The following PTGES3 variants were observed in gnomAD, a reference collection of about 807,000 sequenced individuals.
PTGES3 encodes prostaglandin E synthase 3, also known as Hsp90 co-chaperone.
PTGES3 carries 5 observed loss-of-function variants against 29.9 expected under a neutral mutation model. The observed-to-expected ratio is 0.17, with a 90% CI of 0.09 to 0.35. The LOEUF (loss-of-function observed/expected upper bound fraction) is 0.35. PTGES3 is among the 10% of genes least tolerant of loss of function. PTGES3 has a pLI of 1.00. For synonymous variants in PTGES3, 49 were observed against 57.8 expected, an observed-to-expected ratio of 0.85 and a Z score of 0.69; for missense variants, 128 against 190.0, an observed-to-expected ratio of 0.67 and a Z score of 1.92.
chr12:56,686,882 T>C (rs76274151), intron 1 of PTGES3: 26 of 64,224 alleles, frequency 4.0e-4, no homozygotes, highest in African/African-American at 9.8e-4. Flanking sequence ...TCCAAAGACA[T>C]AAAGTCACTC....
At chr12:56,673,708 G>A (rs1258243652) in intron 1 of PTGES3, among the ~76,000 whole-genome samples, 5 of 148,682 alleles carry the variant, frequency 3.4e-5, no homozygotes, top group East Asian at 4.0e-4. Context: ...CAGGAGCATC[G>A]CTTGAACCTG....
chr12:56,684,739 G>A (rs1440529044), intron 1 of PTGES3, among the ~76,000 whole-genome samples: 1 of 152,130 alleles, frequency 6.6e-6, no homozygotes, highest in Non-Finnish European at 1.5e-5. Context: ...TTAGTTAAGC[G>A]GAAAATCTTA....
chr12:56,675,521 CAA>C (rs58270146), intron 1 of PTGES3, among the ~76,000 whole-genome samples: 9,711 of 92,020 alleles, frequency 0.11, 774 homozygotes, highest in African/African-American at 0.25. Context: ...AGAATGAGAC[CAA>C]AAAAAAAAAA....
chr12:56,667,160 TC>T (rs1951822274), intron 5 of PTGES3, among the ~76,000 whole-genome samples: 1 of 152,012 alleles, frequency 6.6e-6, no homozygotes, highest in Non-Finnish European at 1.5e-5. Context: ...CCTCAAGTGA[TC>T]CCCTTGCCTC....
intron 1 of PTGES3, among the ~76,000 whole-genome samples, chr12:56,676,948 A>G (rs1952281630): frequency 6.9e-6 from 1 of 145,670 alleles, no homozygotes; most frequent in Non-Finnish European, 1.5e-5. Context: ...AAAAAAAAAT[A>G]GTGCTGGCTA....
chr12:56,688,195 C>G lies in PTGES3; in HGVS notation c.-196G>C, dbSNP rs1408026361. On this transcript the variant is annotated 5_prime_UTR_variant, in exon 1 of 8. Coordinates refer to ENST00000262033, the MANE Select transcript of PTGES3 (RefSeq NM_006601.7). Reference sequence around the variant, plus strand: ...AGAATGCACCGCGCGGAAAGAGCGGCTCCTCCGGTCGGGGAGAAGAGGAAA... The same window carrying G: ...AGAATGCACCGCGCGGAAAGAGCGGGTCCTCCGGTCGGGGAGAAGAGGAAA... 1 of 987,918 alleles carries G rather than the reference C, an allele frequency of 1.0e-6. No homozygotes were observed. The highest frequency in any genetic ancestry group is 1.7e-5 in the African/African-American group (1 of 58,050). The allele number at this position is 987,918 out of a possible 1,614,324, so 61.2% of individuals were successfully genotyped here.
At chr12:56,683,539 T>A (rs1271641176) in intron 1 of PTGES3, among the ~76,000 whole-genome samples, 3 of 133,754 alleles carry the variant, frequency 2.2e-5, no homozygotes, top group African/African-American at 8.3e-5. Flanking sequence ...GAATCCCAGC[T>A]ACTCAGGAAG....
intron 5 of PTGES3, among the ~76,000 whole-genome samples, chr12:56,669,503 G>C (rs937356396): frequency 2.6e-5 from 4 of 152,144 alleles, no homozygotes; most frequent in Admixed American, 6.5e-5. Flanking sequence ...GGCTGGTCTT[G>C]AACTCCTGAC....
chr12:56,682,972 C>G, intron 1 of PTGES3, among the ~76,000 whole-genome samples: 1 of 150,604 alleles, frequency 6.6e-6, no homozygotes, highest in Non-Finnish European at 1.5e-5. Flanking sequence ...GCAGTCTGGG[C>G]AACAGAATGA....
chr12:56,671,726 C>T, intron 4 of PTGES3, 23 bp downstream of exon 4: 2 of 1,438,248 alleles, frequency 1.4e-6, no homozygotes, highest in South Asian at 2.7e-5. Context: ...TCAAACTTTT[C>T]AAAAAAGGAA....
intron 3 of PTGES3, among the ~76,000 whole-genome samples, chr12:56,672,475 A>C (rs1952043381): frequency 6.6e-6 from 1 of 152,220 alleles, no homozygotes; most frequent in South Asian, 2.1e-4. Flanking sequence ...GCAGTCTCAA[A>C]GAACAAAACC....
Position 56,666,228 on chromosome 12 carries a change from T to G in PTGES3, c.414A>C (p.Leu138Phe). 1 of 1,611,380 alleles carries G rather than the reference T, an allele frequency of 6.2e-7. No homozygotes were observed. The highest frequency in any genetic ancestry group is 8.5e-7 in the Non-Finnish European group (1 of 1,178,624). The change falls in exon 6 of 8, where the codon TTA (leucine) becomes TTC (phenylalanine). Residue 138 changes from leucine (L) to phenylalanine (F), a missense_variant. Physicochemically the swap from Leu to Phe is conservative, Grantham distance 22. Coordinates refer to ENST00000262033, the MANE Select transcript of PTGES3 (RefSeq NM_006601.7). ...NNMGGDEDVDLPEVDGADDDS... is the reference protein window; with the variant it reads ...NNMGGDEDVDFPEVDGADDDS... ...CATCATCTGCTCCATCTACTTCTGG[T>G]AAATCTACATCCTCATCACCACCCA... is the stretch of plus-strand genomic sequence containing the variant.
chr12:56,679,262 A>C (rs1400001513), intron 1 of PTGES3, among the ~76,000 whole-genome samples: 1 of 152,164 alleles, frequency 6.6e-6, no homozygotes, highest in East Asian at 1.9e-4. Context: ...TACAAAAATT[A>C]GTTGGGCATG....
intron 5 of PTGES3, among the ~76,000 whole-genome samples, chr12:56,669,633 G>C (rs1336024950): frequency 6.6e-6 from 1 of 151,720 alleles, no homozygotes; most frequent in African/African-American, 2.4e-5. Flanking sequence ...TTATTTATTT[G>C]ACCGAGTCCC....
chr12:56,686,397 G>A (rs536896646), intron 1 of PTGES3, among the ~76,000 whole-genome samples: 2 of 151,656 alleles, frequency 1.3e-5, no homozygotes, highest in South Asian at 2.1e-4. Flanking sequence ...TTTTGAGACG[G>A]GTTTTCACTC....
intron 1 of PTGES3, 33 bp from the exon 2 acceptor site, chr12:56,673,098 G>A: frequency 7.0e-7 from 1 of 1,437,360 alleles, no homozygotes. Context: ...AAGTCAAGCT[G>A]GAATTCATTA....
intron 6 of PTGES3, chr12:56,665,813 T>A: frequency 1.4e-6 from 1 of 725,568 alleles, no homozygotes; most frequent in Non-Finnish European, 1.7e-6. Context: ...GCTAAGTTTT[T>A]AAGACAGGGT....
At chr12:56,687,184 A>T (rs993876873) in intron 1 of PTGES3, 5 of 1,045,346 alleles carry the variant, frequency 4.8e-6, no homozygotes, top group Admixed American at 1.0e-4. Context: ...GGACGACTGT[A>T]GGTTAATTAA....
At chr12:56,679,848 T>C (rs1010137237) in intron 1 of PTGES3, among the ~76,000 whole-genome samples, 16 of 152,066 alleles carry the variant, frequency 1.1e-4, no homozygotes, top group African/African-American at 3.9e-4. Context: ...CTAATTTTTG[T>C]ATTTTTAGTA....
Sources: gnomAD v4.1 joint callset for allele counts (sites outside exome capture counted in the v4.1 genomes callset) on GRCh38, gnomAD v4.1.1 for gene constraint, MANE v1.5 for transcripts, NCBI Gene and HGNC (gene_info 2026-07-23, HGNC 2026-07-21) for gene names.